PDK1: variants seen among roughly 807,000 people sequenced by gnomAD.
PDK1 encodes the protein pyruvate dehydrogenase kinase 1, also known as [Pyruvate dehydrogenase (acetyl-transferring)] kinase isozyme 1, mitochondrial.
Under a neutral mutation model 54.2 loss-of-function variants are expected in PDK1, and 39 were observed. The observed-to-expected ratio is 0.72, with a 90% CI of 0.56 to 0.94. PDK1 has a LOEUF of 0.94. Among genes scored for constraint, PDK1 ranks in the 40% least tolerant of loss-of-function variants. The probability of loss-of-function intolerance (pLI) is 0.00; values close to 1 mark genes in which losing one functional copy is unlikely to be tolerated. For missense variants in PDK1, 552 were observed against 566.0 expected (o/e 0.98, Z 0.25); for synonymous variants, 221 against 207.1 (o/e 1.07, Z -0.58).
chr2:172,565,146 C>A, intron 5 of PDK1, 73 bp downstream of exon 5: 1 of 882,478 alleles, frequency 1.1e-6, no homozygotes, highest in Non-Finnish European at 1.9e-6. Flanking sequence ...ACTATTAAAA[C>A]ATCTATTTGT....
At chr2:172,653,269 T>G in the PDK1 span, among the ~76,000 whole-genome samples, 3 of 152,154 alleles carry the variant, frequency 2.0e-5, no homozygotes, top group African/African-American at 7.2e-5. Flanking sequence ...GCTAGCCATA[T>G]GTAGAAAGCT....
chr2:172,700,448 C>T, the PDK1 span, among the ~76,000 whole-genome samples: 3 of 151,030 alleles, frequency 2.0e-5, no homozygotes, highest in South Asian at 6.3e-4. Context: ...AGACGATGGG[C>T]GGCAGGGCAG....
At position 172,596,853 on chromosome 2, in the gene PDK1, T is replaced by G. The variant is rs1171419650; in HGVS notation, c.*884T>G. 6.6e-6 allele frequency: 1 copy of G among 152,230 alleles called. No homozygotes were observed. Among genetic ancestry groups the G allele is most frequent in the Non-Finnish European group, 1.5e-5 (1 of 68,040 alleles). 9.4% of individuals were successfully genotyped at this position (152,230 alleles called of 1,614,324 possible). A position where few individuals can be genotyped will look rare whatever the true frequency, so the allele number is the denominator to read the frequency against. On this transcript the variant is annotated 3_prime_UTR_variant, in exon 11 of 11. Coordinates refer to ENST00000282077, the MANE Select transcript of PDK1 (RefSeq NM_002610.5). ...AGCCTAGAAATCTCACTTTTTAAAA[T>G]GCTTCCAAGGTAAGTCTGATGCCTA...
chr2:172,670,853 T>C, the PDK1 span, among the ~76,000 whole-genome samples: 6 of 152,324 alleles, frequency 3.9e-5, no homozygotes, highest in African/African-American at 1.2e-4. Context: ...GATTCAGGTC[T>C]TGAGATAAAA....
the PDK1 span, among the ~76,000 whole-genome samples, chr2:172,651,405 A>G: frequency 1.3e-5 from 2 of 152,234 alleles, no homozygotes; most frequent in Admixed American, 6.5e-5. Flanking sequence ...TAACATCAAA[A>G]TTAAAAGAAC....
At chr2:172,565,587 C>T (rs1688894333) in intron 5 of PDK1, among the ~76,000 whole-genome samples, 2 of 152,144 alleles carry the variant, frequency 1.3e-5, no homozygotes, top group African/African-American at 4.8e-5. Context: ...AGGCGTGAGC[C>T]ACCGAGCCCA....
At chr2:172,614,982 A>G in the PDK1 span, among the ~76,000 whole-genome samples, 2 of 97,916 alleles carry the variant, frequency 2.0e-5, no homozygotes, top group East Asian at 4.0e-4. Context: ...ACAGTGTACT[A>G]TTGTGTACTA....
At chr2:172,682,625 G>C in the PDK1 span, among the ~76,000 whole-genome samples, 1 of 152,224 alleles carries the variant, frequency 6.6e-6, no homozygotes, top group African/African-American at 2.4e-5. Context: ...AGGAATGAGT[G>C]TGTGGTGGAG....
At chr2:172,624,943 G>A in the PDK1 span, among the ~76,000 whole-genome samples, 5 of 151,486 alleles carry the variant, frequency 3.3e-5, no homozygotes, top group African/African-American at 7.3e-5. Flanking sequence ...AGCCGAGATC[G>A]CACCATTGCA....
At chr2:172,640,932 T>A in the PDK1 span, among the ~76,000 whole-genome samples, 1 of 146,228 alleles carries the variant, frequency 6.8e-6, no homozygotes, top group South Asian at 2.4e-4. Context: ...CTTCCTTCCT[T>A]CCTTCCCTCC....
the PDK1 span, among the ~76,000 whole-genome samples, chr2:172,654,872 C>G: frequency 6.6e-6 from 1 of 152,304 alleles, no homozygotes; most frequent in African/African-American, 2.4e-5. Flanking sequence ...AGGACGGTTT[C>G]ACCCGAGAGG....
At chr2:172,619,459 T>G in the PDK1 span, among the ~76,000 whole-genome samples, 2 of 151,558 alleles carry the variant, frequency 1.3e-5, no homozygotes, top group African/African-American at 4.9e-5. Context: ...CCCATTAAAT[T>G]TTTGTGCTTA....
At chr2:172,571,154 A>C (rs111582980) in intron 8 of PDK1, among the ~76,000 whole-genome samples, 4,313 of 152,246 alleles carry the variant, frequency 0.028, 85 homozygotes, top group Middle Eastern at 0.051. Flanking sequence ...TTTATATATA[A>C]TTTAAAAAAT....
At chr2:172,628,653 C>CT in the PDK1 span, among the ~76,000 whole-genome samples, 3 of 152,154 alleles carry the variant, frequency 2.0e-5, no homozygotes, top group Middle Eastern at 3.2e-3. Flanking sequence ...ACATCTCACT[C>CT]TATTTCTTAC....
intron 8 of PDK1, among the ~76,000 whole-genome samples, chr2:172,572,342 A>T (rs540313613): frequency 2.6e-5 from 4 of 152,302 alleles, no homozygotes; most frequent in South Asian, 2.1e-4. Context: ...TTCCTTTTTT[A>T]AAAAAGGTAC....
rs1691157986 is a variant in PDK1 at position 172,602,832 on chromosome 2, C to T, written c.*6863C>T. The T allele has an allele frequency of 6.6e-6, 1 of 152,152 alleles. No individual in the cohort carries two copies. The highest frequency in any genetic ancestry group is 2.4e-5 in the African/African-American group (1 of 41,430). The allele number at this position is 152,152 out of a possible 1,614,324, so 9.4% of individuals were successfully genotyped here. A position where few individuals can be genotyped will look rare whatever the true frequency, so the allele number is the denominator to read the frequency against. ...CTTTGGAGAAAAAGGTCCCTTTAAT[C>T]TTAAAACCAACTCTCAGTGACCAAC... On this transcript the variant is annotated 3_prime_UTR_variant, in exon 11 of 11. Coordinates refer to ENST00000282077, the MANE Select transcript of PDK1 (RefSeq NM_002610.5).
chr2:172,562,590 A>C, intron 3 of PDK1: 2 of 633,552 alleles, frequency 3.2e-6, no homozygotes, highest in Non-Finnish European at 5.6e-6. Context: ...AACCACCTTC[A>C]GCCCCAGCTG....
chr2:172,568,086 C>T (rs1689049825), intron 6 of PDK1, among the ~76,000 whole-genome samples: 1 of 152,082 alleles, frequency 6.6e-6, no homozygotes, highest in African/African-American at 2.4e-5. Context: ...ATAATCCCAG[C>T]ACTTTGGGAG....
At chr2:172,695,555 C>T in the PDK1 span, among the ~76,000 whole-genome samples, 1 of 152,282 alleles carries the variant, frequency 6.6e-6, no homozygotes, top group South Asian at 2.1e-4. Context: ...AAGCCCCTCT[C>T]CTTGAGCATG....
Sources: gnomAD v4.1 joint callset for allele counts (sites outside exome capture counted in the v4.1 genomes callset) on GRCh38, gnomAD v4.1.1 for gene constraint, MANE v1.5 for transcripts, NCBI Gene and HGNC (gene_info 2026-07-23, HGNC 2026-07-21) for gene names.